The following MAN2A1 variants were observed in gnomAD, a reference collection of about 807,000 sequenced individuals.
The protein encoded by MAN2A1 is mannosidase alpha class 2A member 1, also known as alpha-mannosidase 2.
In MAN2A1, 76 loss-of-function variants were observed where a neutral mutation model predicts 142.6. That is an observed-to-expected ratio of 0.53 (90% CI 0.44 to 0.65). The LOEUF is 0.65. Among genes scored for constraint, MAN2A1 ranks in the 30% least tolerant of loss-of-function variants. MAN2A1 has a pLI of 0.00. For synonymous variants in MAN2A1, 559 were observed against 473.2 expected (o/e 1.18, Z -2.35); for missense variants, 1,311 against 1,365.1 (o/e 0.96, Z 0.62).
chr5:109,776,681 A>C (rs1265623816), intron 8 of MAN2A1, among the ~76,000 whole-genome samples: 1 of 152,134 alleles, frequency 6.6e-6, no homozygotes, highest in Non-Finnish European at 1.5e-5. Context: ...TGCAAGTTTA[A>C]AAGTCTCCAT....
At chr5:109,771,175 T>C (rs1373041032) in intron 7 of MAN2A1, among the ~76,000 whole-genome samples, 1 of 152,208 alleles carries the variant, frequency 6.6e-6, no homozygotes. Context: ...ACATGTAGTT[T>C]CTAATATTGG....
chr5:109,832,161 CTTTTTTTTTTTTTTTT>C (rs70999945), intron 16 of MAN2A1, among the ~76,000 whole-genome samples: 1 of 51,230 alleles, frequency 2.0e-5, no homozygotes, highest in East Asian at 5.3e-4. Context: ...AAGGAGTTTT[CTTTTTTTTTTTTTTTT>C]TTTTTTTTTA....
intron 4 of MAN2A1, among the ~76,000 whole-genome samples, chr5:109,749,273 T>C (rs1040856060): frequency 5.9e-5 from 9 of 152,146 alleles, no homozygotes; most frequent in Admixed American, 3.9e-4. Flanking sequence ...TGATTCTACA[T>C]AGGGGAAAAA....
chr5:109,827,460 A>G (rs181252531), intron 16 of MAN2A1, among the ~76,000 whole-genome samples: 3 of 152,330 alleles, frequency 2.0e-5, no homozygotes, highest in African/African-American at 7.2e-5. Flanking sequence ...TCAGGAGAAA[A>G]CAAAATCAAG....
chr5:109,749,305 T>G (rs887762119), intron 4 of MAN2A1, among the ~76,000 whole-genome samples: 2 of 152,138 alleles, frequency 1.3e-5, no homozygotes, highest in African/African-American at 4.8e-5. Context: ...AGAAAATGAT[T>G]TGCAGCTTGT....
chr5:109,765,048 A>G (rs1419146167), intron 5 of MAN2A1, among the ~76,000 whole-genome samples: 2 of 152,170 alleles, frequency 1.3e-5, no homozygotes, highest in Admixed American at 1.3e-4. Context: ...ATACGTAAAT[A>G]TAATAAAGTT....
At chr5:109,856,774 C>CGTGT (rs769225082) in intron 20 of MAN2A1, among the ~76,000 whole-genome samples, 2,896 of 152,262 alleles carry the variant, frequency 0.019, 34 homozygotes, top group Middle Eastern at 0.068. Context: ...ATGCTCGAGG[C>CGTGT]GTGTGTGCGT....
intron 1 of MAN2A1, among the ~76,000 whole-genome samples, chr5:109,695,175 C>T (rs971309061): frequency 3.3e-5 from 5 of 152,176 alleles, no homozygotes; most frequent in Admixed American, 3.3e-4. Context: ...GGGCCAGATA[C>T]TCATGACTGT....
intron 4 of MAN2A1, among the ~76,000 whole-genome samples, chr5:109,733,970 C>A (rs752486614): frequency 1.3e-5 from 2 of 151,972 alleles, no homozygotes; most frequent in African/African-American, 2.4e-5. Flanking sequence ...TGGTAGAATT[C>A]GGCTGTGAAT....
At chr5:109,800,126 T>G (rs1422143586) in intron 12 of MAN2A1, among the ~76,000 whole-genome samples, 2 of 150,676 alleles carry the variant, frequency 1.3e-5, no homozygotes, top group Non-Finnish European at 3.0e-5. Flanking sequence ...ACTTCACCTC[T>G]AGATGCACCC....
At chr5:109,775,484 T>C (rs1753264024) in intron 8 of MAN2A1, among the ~76,000 whole-genome samples, 1 of 152,080 alleles carries the variant, frequency 6.6e-6, no homozygotes, top group Non-Finnish European at 1.5e-5. Flanking sequence ...TTACTCTTTT[T>C]TTTTTTCTTA....
In MAN2A1 at chr5:109,690,499, C is replaced by T. The variant is rs774577019; in HGVS notation, c.82C>T (p.Arg28Trp). 8 of 1,613,712 alleles carry T rather than the reference C, an allele frequency of 5.0e-6. No individual in the cohort carries two copies. Among genetic ancestry groups the T allele is most frequent in the South Asian group, 3.3e-5 (3 of 91,030 alleles). Residue 28 changes from arginine to tryptophan, a missense_variant, in exon 1 of 22, where the codon CGG becomes TGG. Around this residue, in one of 3 missense-constraint regions of MAN2A1, gnomAD observed 409 missense variants for 412.7 expected, o/e 0.99. Coordinates refer to ENST00000261483, the MANE Select transcript of MAN2A1 (RefSeq NM_002372.4). Reference sequence around the variant, plus strand: ...TTTCTCGCTCTACCTGATGCTGGACCGGGGTCACTTAGACTACCCCAGGAA... The same window carrying T: ...TTTCTCGCTCTACCTGATGCTGGACTGGGGTCACTTAGACTACCCCAGGAA... ...VIFSLYLMLD[R>W]GHLDYPRNPR...
At position 109,767,704 on chromosome 5, in the gene MAN2A1, T is replaced by A. The variant is rs775775896; in HGVS notation, c.1005T>A (p.Asn335Lys). The A allele has an allele frequency of 1.2e-6, 2 of 1,610,430 alleles. No individual in the cohort carries two copies. Among genetic ancestry groups the A allele is most frequent in the East Asian group, 4.5e-5 (2 of 44,862 alleles). The change falls in exon 6 of 22, where the codon AAT becomes AAA. Residue 335 changes from asparagine to lysine, a missense_variant. Coordinates refer to ENST00000261483, the MANE Select transcript of MAN2A1 (RefSeq NM_002372.4). Reference sequence around the variant, plus strand: ...CATTGGAGTTTTTTTGGAGACAGAATTGGGGTATGTAGGGTTTGATGAAAG... The same window carrying A: ...CATTGGAGTTTTTTTGGAGACAGAAATGGGGTATGTAGGGTTTGATGAAAG... ...HKTLEFFWRQNWDLGSVTDIL... is the reference protein window; with the variant it reads ...HKTLEFFWRQKWDLGSVTDIL...
intron 12 of MAN2A1, among the ~76,000 whole-genome samples, chr5:109,805,320 A>G (rs1326015366): frequency 3.3e-5 from 5 of 152,172 alleles, no homozygotes; most frequent in Non-Finnish European, 7.3e-5. Flanking sequence ...ATAGTTGTAA[A>G]ATTTTTCAAT....
At chr5:109,715,608 G>A (rs1330943719) in intron 2 of MAN2A1, among the ~76,000 whole-genome samples, 1 of 152,106 alleles carries the variant, frequency 6.6e-6, no homozygotes, top group East Asian at 1.9e-4. Flanking sequence ...TCTAGGATAA[G>A]ATAGGTAGAT....
At chr5:109,856,527 C>G (rs1755608369) in intron 20 of MAN2A1, among the ~76,000 whole-genome samples, 1 of 152,136 alleles carries the variant, frequency 6.6e-6, no homozygotes. Flanking sequence ...AGGGGCCTGT[C>G]TTTAGACTAG....
chr5:109,764,096 C>T (rs114922002), intron 5 of MAN2A1, among the ~76,000 whole-genome samples: 3,263 of 152,194 alleles, frequency 0.021, 42 homozygotes, highest in Middle Eastern at 0.078. Flanking sequence ...CCACCGTGTC[C>T]GGCCTATTAT....
intron 4 of MAN2A1, among the ~76,000 whole-genome samples, chr5:109,741,873 A>G (rs958264619): frequency 6.6e-6 from 1 of 152,246 alleles, no homozygotes; most frequent in Non-Finnish European, 1.5e-5. Context: ...ACCTACTGGT[A>G]ATACATATCC....
intron 20 of MAN2A1, among the ~76,000 whole-genome samples, chr5:109,857,399 G>C (rs1437829057): frequency 6.6e-6 from 1 of 152,194 alleles, no homozygotes; most frequent in South Asian, 2.1e-4. Context: ...AAAGAATAGA[G>C]TGGAGGGCAT....
Sources: allele counts gnomAD v4.1 joint callset (sites outside exome capture counted in the v4.1 genomes callset), GRCh38; gene constraint gnomAD v4.1.1; regional missense constraint gnomAD v4.1.1; transcripts MANE v1.5; gene names NCBI Gene and HGNC (gene_info 2026-07-23, HGNC 2026-07-21).